The following ITSN1 variants were observed in gnomAD, a reference collection of about 807,000 sequenced individuals.
The protein encoded by ITSN1 is intersectin-1.
ITSN1 carries 58 observed loss-of-function variants against 239.8 expected under a neutral mutation model. The observed-to-expected ratio is 0.24, with a 90% confidence interval of 0.20 to 0.30. ITSN1 has a LOEUF of 0.30. Ranked by LOEUF, ITSN1 falls within the 10% of genes least tolerant of loss-of-function variation. The probability of loss-of-function intolerance (pLI) is 1.00; values close to 1 mark genes in which losing one functional copy is unlikely to be tolerated. For synonymous variants in ITSN1, 780 were observed against 770.8 expected, an observed-to-expected ratio of 1.01 and a Z score of -0.20; for missense variants, 1,558 against 2,103.3, an observed-to-expected ratio of 0.74 and a Z score of 5.07.
At chr21:33,823,912 G>A (rs957273463) in intron 25 of ITSN1, among the ~76,000 whole-genome samples, 1 of 152,162 alleles carries the variant, frequency 6.6e-6, no homozygotes, top group Admixed American at 6.5e-5. Flanking sequence ...GGAGGATAAT[G>A]TTCAGTATTA....
chr21:33,710,318 A>G (rs1601772232), intron 1 of ITSN1, among the ~76,000 whole-genome samples: 1 of 150,660 alleles, frequency 6.6e-6, no homozygotes, highest in South Asian at 2.1e-4. Context: ...GACCTCGTGA[A>G]CCGCCCGTCC....
At chr21:33,804,986 T>G (rs2072300853) in intron 20 of ITSN1, among the ~76,000 whole-genome samples, 1 of 152,194 alleles carries the variant, frequency 6.6e-6, no homozygotes, top group South Asian at 2.1e-4. Flanking sequence ...GTTTAAATGC[T>G]TATCCTTGGA....
chr21:33,703,807 C>T (rs2092128948), intron 1 of ITSN1, among the ~76,000 whole-genome samples: 1 of 152,094 alleles, frequency 6.6e-6, no homozygotes, highest in Non-Finnish European at 1.5e-5. Flanking sequence ...GATGTAGGCC[C>T]TGTTGTAAAA....
At chr21:33,689,987 T>TAA (rs926602859) in intron 1 of ITSN1, among the ~76,000 whole-genome samples, 1 of 137,420 alleles carries the variant, frequency 7.3e-6, no homozygotes, top group African/African-American at 2.7e-5. Flanking sequence ...AAAAAATAAT[T>TAA]AAAAAAAAAA....
At chr21:33,815,509 G>A (rs1383971479) in intron 22 of ITSN1, among the ~76,000 whole-genome samples, 2 of 152,046 alleles carry the variant, frequency 1.3e-5, no homozygotes, top group Non-Finnish European at 2.9e-5. Context: ...TTGTAACCTG[G>A]GAAGGAGAAG....
intron 1 of ITSN1, among the ~76,000 whole-genome samples, chr21:33,660,241 G>C (rs1401652678): frequency 1.3e-5 from 2 of 152,066 alleles, no homozygotes; most frequent in Non-Finnish European, 2.9e-5. Flanking sequence ...GTTATGTGCT[G>C]CTCCCACAAT....
intron 33 of ITSN1, among the ~76,000 whole-genome samples, chr21:33,868,021 T>C (rs1469227030): frequency 6.6e-6 from 1 of 152,172 alleles, no homozygotes; most frequent in East Asian, 1.9e-4. Flanking sequence ...GCAAGATTTA[T>C]TGCAAAGAGT....
At chr21:33,725,962 G>A (rs1433929145) in intron 4 of ITSN1, among the ~76,000 whole-genome samples, 1 of 152,084 alleles carries the variant, frequency 6.6e-6, no homozygotes, top group Non-Finnish European at 1.5e-5. Context: ...AGTAGTACTT[G>A]ATCTCTTAAA....
intron 1 of ITSN1, among the ~76,000 whole-genome samples, chr21:33,662,154 T>C (rs2089608356): frequency 6.6e-6 from 1 of 152,182 alleles, no homozygotes; most frequent in South Asian, 2.1e-4. Context: ...CTTTTGTCAC[T>C]TTAGCTTTAC....
chr21:33,703,083 C>CTG (rs10529613), intron 1 of ITSN1, among the ~76,000 whole-genome samples: 45,711 of 145,420 alleles, frequency 0.31, 7,046 homozygotes, highest in East Asian at 0.51. Context: ...GAGACTCTGT[C>CTG]TGTGTGTGTG....
intron 5 of ITSN1, among the ~76,000 whole-genome samples, chr21:33,745,185 C>G: frequency 6.6e-6 from 1 of 152,290 alleles, no homozygotes; most frequent in East Asian, 1.9e-4. Context: ...TCAGCTTGAT[C>G]CATTCTTTGG....
At chr21:33,779,534 T>C (rs1488370166) in intron 14 of ITSN1, among the ~76,000 whole-genome samples, 3 of 152,240 alleles carry the variant, frequency 2.0e-5, no homozygotes, top group African/African-American at 4.8e-5. Flanking sequence ...AGGTAGAGTG[T>C]TCCCTAAATA....
At chr21:33,784,341 A>ACACACACACACACACACACTAGT (rs1370425990) in intron 16 of ITSN1, among the ~76,000 whole-genome samples, 3 of 151,286 alleles carry the variant, frequency 2.0e-5, no homozygotes, top group African/African-American at 7.3e-5. Flanking sequence ...ACACACACAC[A>ACACACACACACACACACACTAGT]CACACACACA....
At chr21:33,773,049 C>T (rs539472324) in intron 12 of ITSN1, among the ~76,000 whole-genome samples, 7 of 149,960 alleles carry the variant, frequency 4.7e-5, no homozygotes, top group African/African-American at 1.5e-4. Flanking sequence ...CTGTCACTTC[C>T]AGGCTGGAAT....
intron 20 of ITSN1, among the ~76,000 whole-genome samples, chr21:33,804,166 C>T (rs1280270408): frequency 2.6e-5 from 4 of 152,150 alleles, no homozygotes; most frequent in African/African-American, 4.8e-5. Flanking sequence ...ATTCCTCAAA[C>T]GTCTTTGGGA....
chr21:33,833,606 G>A (rs1275523600), intron 27 of ITSN1, among the ~76,000 whole-genome samples: 2 of 152,210 alleles, frequency 1.3e-5, no homozygotes, highest in Non-Finnish European at 2.9e-5. Flanking sequence ...GGTGGCGCAC[G>A]CCTGTAATCC....
chr21:33,711,531 G>C (rs924443755), intron 1 of ITSN1, among the ~76,000 whole-genome samples: 2 of 150,742 alleles, frequency 1.3e-5, no homozygotes, highest in Non-Finnish European at 3.0e-5. Flanking sequence ...TACTGGTTTT[G>C]TTTGTCCTTT....
intron 1 of ITSN1, among the ~76,000 whole-genome samples, chr21:33,693,070 A>G (rs1263979726): frequency 6.6e-6 from 1 of 152,094 alleles, no homozygotes; most frequent in Admixed American, 6.6e-5. Flanking sequence ...TGCTGGGATT[A>G]TAGGCATGAG....
At chr21:33,654,451 T>G (rs1369618795) in intron 1 of ITSN1, among the ~76,000 whole-genome samples, 2 of 152,164 alleles carry the variant, frequency 1.3e-5, no homozygotes, top group Non-Finnish European at 1.5e-5. Context: ...TAGTTCCGTA[T>G]TTTGATTATG....
Sources: gnomAD v4.1 joint callset for allele counts (sites outside exome capture counted in the v4.1 genomes callset) on GRCh38, gnomAD v4.1.1 for gene constraint, MANE v1.5 for transcripts, NCBI Gene and HGNC (gene_info 2026-07-23, HGNC 2026-07-21) for gene names.